The following TLCD4 variants were observed in gnomAD, a reference collection of about 807,000 sequenced individuals.
TLCD4 encodes TLC domain containing 4.
A neutral mutation model predicts 24.2 loss-of-function variants in TLCD4; 7 were observed. The observed-to-expected ratio is 0.29, with a 90% CI of 0.16 to 0.54. The LOEUF (loss-of-function observed/expected upper bound fraction) is 0.54. Ranked by LOEUF, TLCD4 falls within the 20% of genes least tolerant of loss-of-function variation. The pLI is 0.95. For synonymous variants in TLCD4, 103 were observed against 106.4 expected (o/e 0.97, Z 0.20); for missense variants, 259 against 313.9 (o/e 0.82, Z 1.32).
intron 6 of TLCD4, among the ~76,000 whole-genome samples, chr1:95,178,130 A>G (rs1357714665): frequency 2.0e-5 from 3 of 151,138 alleles, no homozygotes; most frequent in Non-Finnish European, 4.4e-5. Context: ...GTATTTTAGT[A>G]GAGATGGAGT....
At chr1:95,179,217 T>A (rs1353300871) in intron 6 of TLCD4, among the ~76,000 whole-genome samples, 1 of 152,260 alleles carries the variant, frequency 6.6e-6, no homozygotes, top group African/African-American at 2.4e-5. Context: ...TTCTAGTGCT[T>A]TATGGCTCCA....
chr1:95,190,655 C>T (rs1339168113), intron 6 of TLCD4, among the ~76,000 whole-genome samples: 1 of 151,950 alleles, frequency 6.6e-6, no homozygotes, highest in Non-Finnish European at 1.5e-5. Context: ...CCCCTGACCT[C>T]AGGTGATCCA....
chr1:95,137,534 A>G (rs1304329024), intron 1 of TLCD4, among the ~76,000 whole-genome samples: 1 of 152,140 alleles, frequency 6.6e-6, no homozygotes, highest in East Asian at 1.9e-4. Flanking sequence ...GGAATCACAA[A>G]TGGGGGAAAT....
At chr1:95,146,202 T>C (rs17408742) in intron 2 of TLCD4, among the ~76,000 whole-genome samples, 23,390 of 151,938 alleles carry the variant, frequency 0.15, 1,961 homozygotes, top group Non-Finnish European at 0.18. Flanking sequence ...GAAATGCCCA[T>C]TTGAGAGACA....
chr1:95,179,136 G>A (rs1175337429), intron 6 of TLCD4, among the ~76,000 whole-genome samples: 1 of 152,080 alleles, frequency 6.6e-6, no homozygotes, highest in Non-Finnish European at 1.5e-5. Flanking sequence ...AGCCACATAT[G>A]AATATTTACA....
chr1:95,162,017 C>T (rs1436776523), intron 5 of TLCD4, among the ~76,000 whole-genome samples: 1 of 152,166 alleles, frequency 6.6e-6, no homozygotes, highest in Non-Finnish European at 1.5e-5. Flanking sequence ...TCTATTAGGT[C>T]TGCTTGATGC....
chr1:95,118,508 A>G (rs1032117808), intron 1 of TLCD4, among the ~76,000 whole-genome samples: 2 of 152,226 alleles, frequency 1.3e-5, no homozygotes, highest in African/African-American at 4.8e-5. Context: ...GTTTAATCCA[A>G]ATACCAGTTT....
In TLCD4 at chr1:95,148,763, G is replaced by A. The variant is rs1250183068; in HGVS notation, c.217G>A (p.Asp73Asn). The part of the protein sequence containing the change: ...GIFGLYIFLF[D>N]EATKADPLWG... Reference sequence around the variant, plus strand: ...TTTTGGCCTGTACATTTTCTTATTCGATGAGGCTACTAAAGCTGATCCACT... The same window carrying A: ...TTTTGGCCTGTACATTTTCTTATTCAATGAGGCTACTAAAGCTGATCCACT... Residue 73 changes from aspartate to asparagine, a missense_variant, in exon 3 of 7, where the codon GAT becomes AAT. Coordinates refer to ENST00000370203, the MANE Select transcript of TLCD4 (RefSeq NM_152487.3). The A allele has an allele frequency of 1.9e-6, 3 of 1,613,592 alleles. No homozygotes were observed. Among genetic ancestry groups the A allele is most frequent in the East Asian group, 2.2e-5 (1 of 44,822 alleles).
chr1:95,151,286 C>T (rs781735955), intron 4 of TLCD4, 39 bp from the exon 5 acceptor site: 2 of 1,601,826 alleles, frequency 1.2e-6, no homozygotes, highest in Admixed American at 3.4e-5. Context: ...GTGCAACTTT[C>T]TTCTTATGTA....
chr1:95,136,488 G>C (rs955959089), intron 1 of TLCD4, among the ~76,000 whole-genome samples: 13 of 152,090 alleles, frequency 8.5e-5, no homozygotes, highest in African/African-American at 2.9e-4. Flanking sequence ...CCTCTGTGTT[G>C]TATGCAGCTT....
At chr1:95,145,711 T>C (rs991813783) in intron 2 of TLCD4, among the ~76,000 whole-genome samples, 1 of 152,144 alleles carries the variant, frequency 6.6e-6, no homozygotes, top group Non-Finnish European at 1.5e-5. Flanking sequence ...GTAAAGGCAT[T>C]TGAATGTTAG....
chr1:95,121,638 T>G (rs1250644705), intron 1 of TLCD4, among the ~76,000 whole-genome samples: 4 of 152,126 alleles, frequency 2.6e-5, no homozygotes, highest in Non-Finnish European at 4.4e-5. Flanking sequence ...CCCGGGCTAA[T>G]TTTTGTATTT....
the TLCD4 span, among the ~76,000 whole-genome samples, chr1:95,104,791 G>C: frequency 2.0e-5 from 3 of 151,914 alleles, no homozygotes; most frequent in Non-Finnish European, 4.4e-5. Context: ...ACTTTGGGAA[G>C]CTGAGGTGGG....
intron 6 of TLCD4, among the ~76,000 whole-genome samples, chr1:95,180,157 C>A (rs1678583169): frequency 6.6e-6 from 1 of 152,126 alleles, no homozygotes; most frequent in South Asian, 2.1e-4. Flanking sequence ...ATAAGTTAAG[C>A]TTTAGCTAAT....
intron 6 of TLCD4, among the ~76,000 whole-genome samples, chr1:95,179,033 TTC>T (rs919787677): frequency 2.6e-5 from 4 of 152,208 alleles, no homozygotes; most frequent in African/African-American, 9.6e-5. Flanking sequence ...TTACCACCTC[TTC>T]TCTGTCTCTA....
At chr1:95,154,877 G>C (rs1159061367) in intron 5 of TLCD4, among the ~76,000 whole-genome samples, 1 of 147,990 alleles carries the variant, frequency 6.8e-6, no homozygotes, top group Non-Finnish European at 1.5e-5. Flanking sequence ...AAATGTGCTT[G>C]AGACTCTGGG....
Position 95,151,333 on chromosome 1 carries a change from A to C in TLCD4, c.313A>C (p.Ile105Leu). 7 of 1,613,002 alleles carry C rather than the reference A, an allele frequency of 4.3e-6. No homozygotes were observed. The Middle Eastern group carries it at 6.6e-4, about 152-fold the overall frequency. The change falls in exon 5 of 7, where the codon ATT (isoleucine) becomes CTT (leucine). Residue 105 changes from isoleucine to leucine, a missense_variant. Ile to Leu is a conservative substitution (Grantham distance 5, BLOSUM62 2). Transcript: ENST00000370203. The part of the protein sequence containing the change: ...ASGYLISDLS[I>L]IILYWKVIGD... ...ACTTTTCTTTCTTACAGATTTGTCC[A>C]TTATAATTTTGTATTGGAAAGTGAT...
At chr1:95,165,447 TAGTA>T (rs372945359) in intron 5 of TLCD4, among the ~76,000 whole-genome samples, 1 of 150,618 alleles carries the variant, frequency 6.6e-6, no homozygotes, top group African/African-American at 2.5e-5. Context: ...CTTGGGCAAA[TAGTA>T]TGTGTGTGTG....
intron 1 of TLCD4, among the ~76,000 whole-genome samples, chr1:95,139,049 C>G (rs1336664174): frequency 6.9e-6 from 1 of 144,278 alleles, no homozygotes; most frequent in African/African-American, 2.6e-5. Context: ...AAAAAATGAG[C>G]TGGGTGTGGT....
Sources: gnomAD v4.1 joint callset for allele counts (sites outside exome capture counted in the v4.1 genomes callset) on GRCh38, gnomAD v4.1.1 for gene constraint, MANE v1.5 for transcripts, NCBI Gene and HGNC (gene_info 2026-07-23, HGNC 2026-07-21) for gene names.